The following PSD3 variants were observed in gnomAD, a reference collection of about 807,000 sequenced individuals.
The protein encoded by PSD3 is pleckstrin and Sec7 domain containing 3.
A neutral mutation model predicts 105.5 loss-of-function variants in PSD3; 49 were observed. The ratio of observed to expected loss-of-function variants is 0.46; its 90% confidence interval spans 0.37 to 0.59. The LOEUF is 0.59. PSD3 is among the 20% of genes least tolerant of loss of function. The pLI, the probability that PSD3 is intolerant of heterozygous loss-of-function variation, is 0.00. For synonymous variants in PSD3, 557 were observed against 457.8 expected (o/e 1.22, Z -2.77); for missense variants, 1,561 against 1,263.8 (o/e 1.24, Z -3.57).
At chr8:18,841,626 G>A (rs1814636097) in intron 4 of PSD3, among the ~76,000 whole-genome samples, 1 of 152,112 alleles carries the variant, frequency 6.6e-6, no homozygotes, top group African/African-American at 2.4e-5. Context: ...TCTCTGGTCT[G>A]TGCCCAGCTA....
intron 9 of PSD3, chr8:18,733,555 G>A (rs1433035155): frequency 6.6e-6 from 1 of 152,662 alleles, no homozygotes; most frequent in African/African-American, 2.4e-5. Flanking sequence ...GTGGAGATGT[G>A]ATGAGATTAT....
intron 1 of PSD3, among the ~76,000 whole-genome samples, chr8:18,955,601 C>T (rs956886438): frequency 2.6e-5 from 4 of 151,960 alleles, no homozygotes; most frequent in Non-Finnish European, 5.9e-5. Context: ...TGAAAATCTC[C>T]TAGAGGAGAC....
chr8:18,679,978 C>T (rs1160001538), intron 9 of PSD3, among the ~76,000 whole-genome samples: 1 of 152,192 alleles, frequency 6.6e-6, no homozygotes, highest in Non-Finnish European at 1.5e-5. Context: ...TATTAATCCA[C>T]TCATGTGACA....
At chr8:18,997,272 C>T (rs1174177667) in intron 1 of PSD3, among the ~76,000 whole-genome samples, 3 of 151,904 alleles carry the variant, frequency 2.0e-5, no homozygotes, top group Non-Finnish European at 2.9e-5. Context: ...ATCAGCTTCT[C>T]CCTATCTCAG....
chr8:19,064,512 T>C (rs1234085499), intron 1 of PSD3, among the ~76,000 whole-genome samples: 2 of 151,754 alleles, frequency 1.3e-5, no homozygotes, highest in Non-Finnish European at 2.9e-5. Context: ...TTATCATTTC[T>C]TTGTGTTAGG....
chr8:18,869,755 T>C (rs1479770179), intron 3 of PSD3, among the ~76,000 whole-genome samples: 2 of 152,238 alleles, frequency 1.3e-5, no homozygotes, highest in Admixed American at 6.5e-5. Context: ...ATCCAAATTA[T>C]TCATTCTTGT....
intron 1 of PSD3, among the ~76,000 whole-genome samples, chr8:18,941,386 T>G (rs1822527536): frequency 1.3e-5 from 2 of 152,050 alleles, no homozygotes; most frequent in South Asian, 2.1e-4. Flanking sequence ...AGCACAATGA[T>G]TCTTCACACT....
intron 9 of PSD3, among the ~76,000 whole-genome samples, chr8:18,658,454 G>A (rs1006056758): frequency 3.3e-5 from 5 of 151,616 alleles, no homozygotes; most frequent in African/African-American, 1.2e-4. Context: ...ACCTCCACCA[G>A]TCTAGTTAGT....
Position 18,615,393 on chromosome 8 carries a change from C to T in PSD3, c.2411-14959G>A, listed in dbSNP as rs565198106. ...GGGAATGACACAGCAGCAAGGGCCA[C>T]GGGCATCAGGGATAAGAACCCCTTC... On this transcript the variant is annotated intron_variant, in intron 11 of 15. Coordinates refer to ENST00000327040, the MANE Select transcript of PSD3 (RefSeq NM_015310.4). Among the ~76,000 whole-genome samples, 3 of 152,306 alleles carry T rather than the reference C, an allele frequency of 2.0e-5. No individual in the cohort carries two copies. The East Asian group carries it at 5.8e-4, about 29-fold the overall frequency.
intron 8 of PSD3, among the ~76,000 whole-genome samples, chr8:18,798,644 AATATGGACTAATCT>A (rs1416449208): frequency 6.6e-6 from 1 of 152,180 alleles, no homozygotes; most frequent in Non-Finnish European, 1.5e-5. Flanking sequence ...GAATTCGTTA[AATATGGACTAATCT>A]ATACTTACTT....
intron 2 of PSD3, among the ~76,000 whole-genome samples, chr8:18,929,841 AT>A (rs1821620938): frequency 6.6e-6 from 1 of 152,194 alleles, no homozygotes; most frequent in African/African-American, 2.4e-5. Flanking sequence ...CTAATTGTTT[AT>A]TTAGAGAGAT....
intron 1 of PSD3, among the ~76,000 whole-genome samples, chr8:19,012,808 G>C (rs1229945986): frequency 6.6e-6 from 1 of 152,164 alleles, no homozygotes; most frequent in Non-Finnish European, 1.5e-5. Flanking sequence ...ACCCACTCAA[G>C]AGTTATTCTG....
At chr8:18,615,103 G>A (rs1270023833) in intron 11 of PSD3, among the ~76,000 whole-genome samples, 1 of 151,936 alleles carries the variant, frequency 6.6e-6, no homozygotes, top group African/African-American at 2.4e-5. Flanking sequence ...ATTCTTTGCC[G>A]TCTACTTTTA....
rs2306825 is a variant in PSD3 at position 18,799,295 on chromosome 8, G to A, written c.2082C>T (p.His694=). Residue 694 remains histidine (H), a splice_region_variant and synonymous_variant, in exon 8 of 16, where the codon CAC becomes CAT. Transcript: ENST00000327040. ...CTAAGTTTCACAAATCCACACTTAC[G>A]TGGCCATGTAGATCGGTATTAAGAA... ...IMLLNTDLHG[H]NIGKKMTCQE... 260,321 of 1,596,874 alleles carry A rather than the reference G, an allele frequency of 0.16. 22,871 individuals are homozygous for A. The highest frequency in any genetic ancestry group is 0.34 in the East Asian group (15,095 of 44,696).
chr8:18,926,999 T>C (rs765004767), intron 2 of PSD3, among the ~76,000 whole-genome samples: 1 of 152,126 alleles, frequency 6.6e-6, no homozygotes, highest in Non-Finnish European at 1.5e-5. Context: ...CTGGGCTCAG[T>C]TAATTAGCTA....
At chr8:18,777,357 TA>T (rs546288152) in intron 8 of PSD3, among the ~76,000 whole-genome samples, 2 of 152,178 alleles carry the variant, frequency 1.3e-5, no homozygotes, top group African/African-American at 2.4e-5. Context: ...GCCAATGTTT[TA>T]AAAAACCCAA....
At chr8:18,930,482 C>T (rs374175784) in intron 2 of PSD3, among the ~76,000 whole-genome samples, 4 of 152,050 alleles carry the variant, frequency 2.6e-5, no homozygotes, top group African/African-American at 4.8e-5. Context: ...CATTGGCATA[C>T]GCTTGGGTAT....
intron 1 of PSD3, among the ~76,000 whole-genome samples, chr8:19,051,556 T>C (rs1828530521): frequency 6.6e-6 from 1 of 152,200 alleles, no homozygotes; most frequent in East Asian, 1.9e-4. Flanking sequence ...ATTTTCTTCC[T>C]TTCTATTCTT....
At chr8:18,684,581 T>C (rs1800562255) in intron 9 of PSD3, among the ~76,000 whole-genome samples, 1 of 152,224 alleles carries the variant, frequency 6.6e-6, no homozygotes, top group South Asian at 2.1e-4. Context: ...GGCCACACAC[T>C]GTTTGACAGC....
Sources: gnomAD v4.1 joint callset for allele counts (sites outside exome capture counted in the v4.1 genomes callset) on GRCh38, gnomAD v4.1.1 for gene constraint, MANE v1.5 for transcripts, NCBI Gene and HGNC (gene_info 2026-07-23, HGNC 2026-07-21) for gene names.